ZDHHC14: variants seen among roughly 807,000 people sequenced by gnomAD.
ZDHHC14 encodes the protein zDHHC palmitoyltransferase 14, also known as palmitoyltransferase ZDHHC14.
ZDHHC14 carries 16 observed loss-of-function variants against 47.7 expected under a neutral mutation model. That is an observed-to-expected ratio of 0.34 (90% CI 0.23 to 0.51). The LOEUF is 0.51. Ranked by LOEUF, ZDHHC14 falls within the 20% of genes least tolerant of loss-of-function variation. The pLI is 0.97. For synonymous variants in ZDHHC14, 293 were observed against 278.9 expected, an observed-to-expected ratio of 1.05 and a Z score of -0.50; for missense variants, 515 against 662.5, an observed-to-expected ratio of 0.78 and a Z score of 2.44.
intron 2 of ZDHHC14, among the ~76,000 whole-genome samples, chr6:157,569,681 C>G (rs1256074845): frequency 3.9e-5 from 6 of 152,176 alleles, no homozygotes; most frequent in African/African-American, 1.2e-4. Flanking sequence ...ATTTAAAATA[C>G]TGAATCTTCC....
chr6:157,610,974 T>A (rs1045729519), intron 3 of ZDHHC14, among the ~76,000 whole-genome samples: 1 of 152,218 alleles, frequency 6.6e-6, no homozygotes, highest in Non-Finnish European at 1.5e-5. Context: ...AATATGCTCG[T>A]GTAAGACTGG....
intron 1 of ZDHHC14, among the ~76,000 whole-genome samples, chr6:157,496,744 C>T (rs1016675432): frequency 6.6e-5 from 10 of 152,190 alleles, no homozygotes; most frequent in Admixed American, 2.0e-4. Context: ...GGACTTCCAG[C>T]CTCCTAAACT....
chr6:157,645,527 C>A (rs1209831135), intron 5 of ZDHHC14, among the ~76,000 whole-genome samples: 2 of 152,164 alleles, frequency 1.3e-5, no homozygotes, highest in African/African-American at 2.4e-5. Flanking sequence ...CTGCTCCACG[C>A]CGGGGCAGGT....
rs777568494 is a variant in ZDHHC14, at chr6:157,595,174, A to ATTTTTTT, written c.565+2058_565+2064dup. The stretch of plus-strand genomic sequence containing the variant: ...CCTCTGTTTCTTGTCTCTAGGCTAG[A>ATTTTTTT]TTTTTTTTTTTTTTTTTTTTTTTTT... On this transcript the variant is annotated intron_variant, in intron 3 of 8. Coordinates refer to ENST00000359775, the MANE Select transcript of ZDHHC14 (RefSeq NM_024630.3). Among the ~76,000 whole-genome samples the ATTTTTTT allele has an allele frequency of 1.9e-4, 12 of 62,714 alleles. 3 individuals carry two copies. The highest frequency in any genetic ancestry group is 2.3e-4 in the Non-Finnish European group (8 of 34,650). 41.1% of individuals were successfully genotyped at this position (62,714 alleles called of 152,430 possible).
rs1274643354 is a variant in ZDHHC14, at chr6:157,645,978, C to G, written c.855+139C>G. The G allele has an allele frequency of 9.0e-6, 6 of 664,204 alleles. No individual in the cohort carries two copies. In the African/African-American group the frequency reaches 9.2e-5, roughly 10 times the overall value. 41.1% of individuals were successfully genotyped at this position (664,204 alleles called of 1,614,324 possible). On this transcript the variant is annotated intron_variant, in intron 6 of 8. Coordinates refer to ENST00000359775, the MANE Select transcript of ZDHHC14 (RefSeq NM_024630.3). ...GAGCCCTTGGGAACAGAGACGGTGC[C>G]GTGGAAACTTCTCCACCTGCCGTTC... is the stretch of plus-strand genomic sequence containing the variant.
chr6:157,638,665 G>A (rs961165565), intron 5 of ZDHHC14, among the ~76,000 whole-genome samples: 41 of 152,278 alleles, frequency 2.7e-4, no homozygotes, highest in African/African-American at 9.4e-4. Context: ...CTGGAAGGAT[G>A]ACAGCGGGGA....
intron 1 of ZDHHC14, among the ~76,000 whole-genome samples, chr6:157,484,519 G>A (rs766694818): frequency 6.2e-5 from 9 of 145,972 alleles, no homozygotes; most frequent in South Asian, 4.3e-4. Flanking sequence ...ATCTGCATAC[G>A]TACCCCTGAA....
At chr6:157,460,403 T>TG (rs1228497876) in intron 1 of ZDHHC14, among the ~76,000 whole-genome samples, 4 of 70,548 alleles carry the variant, frequency 5.7e-5, no homozygotes, top group Non-Finnish European at 7.6e-5. Flanking sequence ...ACTCTCTCTC[T>TG]GGAAAAAAAA....
chr6:157,543,324 T>C (rs551553015), intron 2 of ZDHHC14, among the ~76,000 whole-genome samples: 14 of 150,306 alleles, frequency 9.3e-5, no homozygotes, highest in South Asian at 4.2e-4. Context: ...CAGATCCTAA[T>C]CCCTTACACA....
chr6:157,590,090 C>T (rs767212452), intron 2 of ZDHHC14, among the ~76,000 whole-genome samples: 8 of 152,120 alleles, frequency 5.3e-5, no homozygotes, highest in African/African-American at 1.4e-4. Flanking sequence ...AGATGATTTA[C>T]GGTACTGGTG....
intron 1 of ZDHHC14, among the ~76,000 whole-genome samples, chr6:157,413,350 G>C (rs1160907133): frequency 1.3e-5 from 2 of 152,184 alleles, no homozygotes; most frequent in East Asian, 3.9e-4. Flanking sequence ...CATATGGAGA[G>C]AGAGCTGATG....
chr6:157,491,467 G>A (rs1482451669), intron 1 of ZDHHC14, among the ~76,000 whole-genome samples: 2 of 152,230 alleles, frequency 1.3e-5, no homozygotes, highest in Non-Finnish European at 2.9e-5. Context: ...CTAGGTTAGT[G>A]TTGCTGGACA....
chr6:157,450,408 G>A (rs1235832740), intron 1 of ZDHHC14, among the ~76,000 whole-genome samples: 4 of 151,450 alleles, frequency 2.6e-5, no homozygotes, highest in Non-Finnish European at 4.4e-5. Context: ...CTGAACATTC[G>A]GGAGGCTGAG....
At chr6:157,507,368 C>A (rs1780352320) in intron 1 of ZDHHC14, among the ~76,000 whole-genome samples, 1 of 151,582 alleles carries the variant, frequency 6.6e-6, no homozygotes, top group Non-Finnish European at 1.5e-5. Context: ...ACTACAACCT[C>A]CGCCTTCCAG....
chr6:157,505,664 A>T (rs1273304074), intron 1 of ZDHHC14, among the ~76,000 whole-genome samples: 1 of 152,230 alleles, frequency 6.6e-6, no homozygotes, highest in East Asian at 1.9e-4. Context: ...ACCATGAGTT[A>T]TTAAAACCCT....
intron 1 of ZDHHC14, among the ~76,000 whole-genome samples, chr6:157,521,022 C>A (rs1390442485): frequency 6.6e-6 from 1 of 152,150 alleles, no homozygotes; most frequent in Non-Finnish European, 1.5e-5. Context: ...CATATAAATT[C>A]AAATCCACAT....
intron 2 of ZDHHC14, among the ~76,000 whole-genome samples, chr6:157,592,342 A>G (rs897130623): frequency 6.6e-6 from 1 of 152,244 alleles, no homozygotes; most frequent in Non-Finnish European, 1.5e-5. Context: ...TTTTCAAAAT[A>G]TACATTTAAT....
At chr6:157,434,961 T>C (rs1442440665) in intron 1 of ZDHHC14, among the ~76,000 whole-genome samples, 3 of 152,220 alleles carry the variant, frequency 2.0e-5, no homozygotes, top group Non-Finnish European at 2.9e-5. Flanking sequence ...GAGAACACAC[T>C]TTCTGGGTTT....
chr6:157,585,270 TC>T (rs1294328423), intron 2 of ZDHHC14, among the ~76,000 whole-genome samples: 1 of 152,066 alleles, frequency 6.6e-6, no homozygotes, highest in Non-Finnish European at 1.5e-5. Context: ...CTAGAGGTTT[TC>T]CCCCCAAAAT....
Sources: gnomAD v4.1 joint callset for allele counts (sites outside exome capture counted in the v4.1 genomes callset) on GRCh38, gnomAD v4.1.1 for gene constraint, MANE v1.5 for transcripts, NCBI Gene and HGNC (gene_info 2026-07-23, HGNC 2026-07-21) for gene names.